Variants in ZNF804A observed in about 807,000 individuals in gnomAD.
The protein encoded by ZNF804A is zinc finger protein 804A.
ZNF804A carries 2 observed loss-of-function variants against 16.5 expected under a neutral mutation model. That is an observed-to-expected ratio of 0.12 (90% CI 0.05 to 0.38). The LOEUF (loss-of-function observed/expected upper bound fraction) is 0.38. Among genes scored for constraint, ZNF804A ranks in the 10% least tolerant of loss-of-function variants. ZNF804A has a pLI of 0.99. For synonymous variants in ZNF804A, 534 were observed against 489.6 expected, an observed-to-expected ratio of 1.09 and a Z score of -1.20; for missense variants, 1,473 against 1,390.7, an observed-to-expected ratio of 1.06 and a Z score of -0.94.
intron 1 of ZNF804A, among the ~76,000 whole-genome samples, chr2:184,745,903 G>T (rs984890315): frequency 1.3e-5 from 2 of 151,532 alleles, no homozygotes; most frequent in African/African-American, 2.4e-5. Context: ...ATCAAATAGT[G>T]TATGAATTAT....
intron 1 of ZNF804A, among the ~76,000 whole-genome samples, chr2:184,634,753 A>G (rs187490995): frequency 5.3e-5 from 8 of 152,284 alleles, no homozygotes; most frequent in African/African-American, 9.6e-5. Flanking sequence ...ACCTGTTTCC[A>G]ACCTTTGACC....
At chr2:184,933,985 AT>A (rs1299502792) in intron 3 of ZNF804A, among the ~76,000 whole-genome samples, 1 of 152,148 alleles carries the variant, frequency 6.6e-6, no homozygotes, top group East Asian at 1.9e-4. Context: ...TTATGTTATT[AT>A]TTAAGTTATC....
chr2:184,863,896 T>C (rs539075341), intron 1 of ZNF804A, among the ~76,000 whole-genome samples: 30 of 152,204 alleles, frequency 2.0e-4, no homozygotes, highest in Non-Finnish European at 4.0e-4. Context: ...TTTTACCTTT[T>C]TAAGCTAAGA....
At chr2:184,678,019 G>A (rs1692468310) in intron 1 of ZNF804A, among the ~76,000 whole-genome samples, 1 of 151,938 alleles carries the variant, frequency 6.6e-6, no homozygotes, top group South Asian at 2.1e-4. Flanking sequence ...TAGAAGGTCT[G>A]AAGATCTGGA....
chr2:184,599,188 G>A (rs767308579), intron 1 of ZNF804A, 118 bp downstream of exon 1: 1 of 794,326 alleles, frequency 1.3e-6, no homozygotes. Flanking sequence ...TTTTTATCTG[G>A]TGGGCGTGGG....
chr2:184,644,624 A>C (rs190573531), intron 1 of ZNF804A, among the ~76,000 whole-genome samples: 1 of 151,942 alleles, frequency 6.6e-6, no homozygotes, highest in African/African-American at 2.4e-5. Context: ...TTTGCATCTG[A>C]GGTAGAACTT....
intron 1 of ZNF804A, among the ~76,000 whole-genome samples, chr2:184,753,310 C>T (rs1433181359): frequency 1.3e-5 from 2 of 151,640 alleles, no homozygotes; most frequent in Non-Finnish European, 2.9e-5. Context: ...AGGGTTCCTC[C>T]TTCCATGTTG....
chr2:184,860,062 G>A lies in ZNF804A; in HGVS notation c.112-6307G>A, dbSNP rs77776246. On this transcript the variant is annotated intron_variant, in intron 1 of 3. Coordinates refer to ENST00000302277, the MANE Select transcript of ZNF804A (RefSeq NM_194250.2). ...CCATGAGGACTGGCTTGGAACCTGG[G>A]TCTACAGGGGTGTTCTTGGGCCCTG... Among the ~76,000 whole-genome samples the A allele has an allele frequency of 5.7e-3, 871 of 152,332 alleles. 11 individuals carry two copies. Among genetic ancestry groups the A allele is most frequent in the African/African-American group, 0.02 (831 of 41,594 alleles).
intron 1 of ZNF804A, among the ~76,000 whole-genome samples, chr2:184,643,340 C>A (rs1053477917): frequency 1.3e-5 from 2 of 151,918 alleles, no homozygotes; most frequent in Non-Finnish European, 2.9e-5. Flanking sequence ...CCTTGGATTT[C>A]TTTTCCCATA....
At chr2:184,827,300 A>AT in intron 1 of ZNF804A, among the ~76,000 whole-genome samples, 1 of 150,818 alleles carries the variant, frequency 6.6e-6, no homozygotes. Flanking sequence ...ATCCAGTTAT[A>AT]TTTTTATATA....
rs529135036 is a variant in ZNF804A at position 184,598,865 on chromosome 2, T to G, written c.-95T>G. On this transcript the variant is annotated 5_prime_UTR_variant, in exon 1 of 4. Transcript: ENST00000302277. ...GGTGGCTGCGTGCCCTCGTGGCGGG[T>G]TCCCAGCCCACCGTCGCCGGCCCCG... is the stretch of plus-strand genomic sequence containing the variant. 2 of 672,250 alleles carry G rather than the reference T, an allele frequency of 3.0e-6. No homozygotes were observed. Among genetic ancestry groups the G allele is most frequent in the Middle Eastern group, 4.3e-4 (1 of 2,308 alleles). The allele number at this position is 672,250 out of a possible 1,614,324, so 41.6% of individuals were successfully genotyped here.
At chr2:184,793,093 G>T (rs1281166368) in intron 1 of ZNF804A, among the ~76,000 whole-genome samples, 1 of 152,084 alleles carries the variant, frequency 6.6e-6, no homozygotes, top group Admixed American at 6.6e-5. Flanking sequence ...GTGCTGCAAA[G>T]ATCATGATTC....
chr2:184,771,987 T>C (rs990777244), intron 1 of ZNF804A, among the ~76,000 whole-genome samples: 2 of 151,990 alleles, frequency 1.3e-5, no homozygotes, highest in African/African-American at 2.4e-5. Flanking sequence ...GGAGAGGGAA[T>C]AGGGAATGGT....
intron 1 of ZNF804A, among the ~76,000 whole-genome samples, chr2:184,801,139 A>C (rs1013502246): frequency 2.1e-4 from 32 of 151,782 alleles, no homozygotes; most frequent in African/African-American, 7.5e-4. Context: ...ATTTCACTTC[A>C]CTCTTCTTTA....
intron 1 of ZNF804A, among the ~76,000 whole-genome samples, chr2:184,791,296 G>A (rs1233485301): frequency 5.3e-5 from 8 of 152,084 alleles, no homozygotes; most frequent in Non-Finnish European, 4.4e-5. Context: ...CTTTGCTGAT[G>A]GTGACTATCA....
At chr2:184,800,594 CT>C (rs1374663828) in intron 1 of ZNF804A, among the ~76,000 whole-genome samples, 1 of 151,448 alleles carries the variant, frequency 6.6e-6, no homozygotes, top group Non-Finnish European at 1.5e-5. Context: ...TTCTAGCTAT[CT>C]CTTAATTTCT....
chr2:184,747,688 T>A (rs550117045), intron 1 of ZNF804A, among the ~76,000 whole-genome samples: 39 of 151,298 alleles, frequency 2.6e-4, no homozygotes, highest in East Asian at 7.8e-4. Context: ...ATTTTTTTTT[T>A]AATTTTAGCT....
At chr2:184,800,316 A>G (rs1694704037) in intron 1 of ZNF804A, among the ~76,000 whole-genome samples, 1 of 151,558 alleles carries the variant, frequency 6.6e-6, no homozygotes, top group Non-Finnish European at 1.5e-5. Flanking sequence ...AAGTATTATT[A>G]TTATTGCTTT....
At chr2:184,866,246 T>C in intron 1 of ZNF804A, 123 bp from the exon 2 acceptor site, 1 of 801,802 alleles carries the variant, frequency 1.2e-6, no homozygotes, top group Non-Finnish European at 1.8e-6. Context: ...GTATTTGCTT[T>C]CTTTTTCTCT....
Sources: allele counts gnomAD v4.1 joint callset (sites outside exome capture counted in the v4.1 genomes callset), GRCh38; gene constraint gnomAD v4.1.1; transcripts MANE v1.5; gene names NCBI Gene and HGNC (gene_info 2026-07-23, HGNC 2026-07-21).